NDUFAF6: variants seen among roughly 807,000 people sequenced by gnomAD.
NDUFAF6 encodes NADH:ubiquinone oxidoreductase complex assembly factor 6.
Under a neutral mutation model 40.8 loss-of-function variants are expected in NDUFAF6, and 45 were observed. The observed-to-expected ratio is 1.10, with a 90% CI of 0.87 to 1.42. The LOEUF is 1.42. NDUFAF6 is among the 40% of genes most tolerant of loss of function. NDUFAF6 has a pLI of 0.00. For synonymous variants in NDUFAF6, 185 were observed against 155.9 expected, an observed-to-expected ratio of 1.19 and a Z score of -1.39; for missense variants, 435 against 418.5, an observed-to-expected ratio of 1.04 and a Z score of -0.34.
At chr8:94,933,186 AG>A (rs1482735976) in intron 1 of NDUFAF6, among the ~76,000 whole-genome samples, 2 of 152,372 alleles carry the variant, frequency 1.3e-5, no homozygotes, top group Non-Finnish European at 2.9e-5. Flanking sequence ...GCTGCAATCC[AG>A]CCTGGGCAAC....
chr8:94,949,257 C>G (rs972984644), intron 2 of NDUFAF6: 3 of 150,894 alleles, frequency 2.0e-5, no homozygotes, highest in Non-Finnish European at 3.0e-5. Flanking sequence ...GCGGTGGGGC[C>G]GGGCTGCGCT....
intron 1 of NDUFAF6, among the ~76,000 whole-genome samples, chr8:94,918,470 T>C (rs150900697): frequency 6.6e-6 from 1 of 152,178 alleles, no homozygotes; most frequent in Non-Finnish European, 1.5e-5. Flanking sequence ...TACTAATCCA[T>C]TTTTCACCTT....
chr8:94,926,893 TTAAAG>T (rs1189201354), intron 1 of NDUFAF6: 3 of 152,324 alleles, frequency 2.0e-5, no homozygotes, highest in African/African-American at 7.2e-5. Context: ...ATTTTAAGCA[TTAAAG>T]TAAGTAGATA....
chr8:94,924,274 A>G (rs1819710909), intron 1 of NDUFAF6, among the ~76,000 whole-genome samples: 1 of 150,696 alleles, frequency 6.6e-6, no homozygotes, highest in Admixed American at 6.6e-5. Flanking sequence ...GTTAGCCAGG[A>G]TGGTCTCTAT....
intron 2 of NDUFAF6, among the ~76,000 whole-genome samples, chr8:94,983,759 C>T (rs1331840089): frequency 3.3e-5 from 5 of 152,140 alleles, no homozygotes; most frequent in South Asian, 4.1e-4. Context: ...GGATTCAAAC[C>T]GAGGTGGTGT....
At chr8:95,114,063 G>A (rs915068918) in intron 4 of NDUFAF6, among the ~76,000 whole-genome samples, 4 of 151,282 alleles carry the variant, frequency 2.6e-5, no homozygotes, top group African/African-American at 7.3e-5. Flanking sequence ...GCTAGATGAC[G>A]AGTTAGTGGG....
chr8:94,905,306 G>A (rs1336814199), intron 1 of NDUFAF6, among the ~76,000 whole-genome samples: 1 of 145,710 alleles, frequency 6.9e-6, no homozygotes, highest in Non-Finnish European at 1.5e-5. Context: ...TTTTTTTTCT[G>A]GGAGAACCTT....
intron 1 of NDUFAF6, among the ~76,000 whole-genome samples, chr8:94,963,827 G>A (rs1266601758): frequency 6.6e-6 from 1 of 152,228 alleles, no homozygotes; most frequent in African/African-American, 2.4e-5. Context: ...GGCAGTAGCT[G>A]GGGAAGACAG....
intron 2 of NDUFAF6, among the ~76,000 whole-genome samples, chr8:94,946,525 A>AC (rs950768323): frequency 2.0e-5 from 3 of 151,436 alleles, no homozygotes; most frequent in African/African-American, 7.3e-5. Context: ...ACAAAGCAAG[A>AC]CCCCATCTCT....
chr8:95,045,329 A>T (rs146237561), intron 4 of NDUFAF6, among the ~76,000 whole-genome samples: 306 of 152,262 alleles, frequency 2.0e-3, no homozygotes, highest in African/African-American at 6.8e-3. Flanking sequence ...TGATTTGTAT[A>T]TTGAGGTTAT....
At chr8:94,968,681 G>T (rs1243667990) in intron 1 of NDUFAF6, among the ~76,000 whole-genome samples, 1 of 152,200 alleles carries the variant, frequency 6.6e-6, no homozygotes, top group Admixed American at 6.5e-5. Context: ...CTGCACAGGG[G>T]TGTGATATCA....
At chr8:95,072,502 A>G (rs1490691256) in intron 9 of NDUFAF6, among the ~76,000 whole-genome samples, 1 of 152,208 alleles carries the variant, frequency 6.6e-6, no homozygotes, top group African/African-American at 2.4e-5. Flanking sequence ...TAGAGAAGAG[A>G]GAGAGAGTAG....
At chr8:95,105,906 G>T (rs1330546961), downstream of NDUFAF6, among the ~76,000 whole-genome samples, 1 of 152,144 alleles carries the variant, frequency 6.6e-6, no homozygotes, top group East Asian at 1.9e-4. Context: ...GAAGTGCGGG[G>T]ATTACAGGCA....
intron 2 of NDUFAF6, among the ~76,000 whole-genome samples, chr8:95,094,948 T>TGG (rs138201253): frequency 2.3e-4 from 35 of 149,206 alleles, no homozygotes; most frequent in African/African-American, 8.4e-4. Flanking sequence ...AGTTTGGGGG[T>TGG]GGCGGGGGGT....
chr8:94,914,727 G>A (rs1407680561), intron 1 of NDUFAF6, among the ~76,000 whole-genome samples: 2 of 151,930 alleles, frequency 1.3e-5, no homozygotes, highest in African/African-American at 4.8e-5. Context: ...GACCAGCCTG[G>A]ACAACATGGT....
At chr8:95,071,655 C>G (rs1012237629) in intron 9 of NDUFAF6, 2 of 152,336 alleles carry the variant, frequency 1.3e-5, no homozygotes, top group African/African-American at 4.8e-5. Context: ...AATACCCAGC[C>G]TGGCTCCATT....
intron 9 of NDUFAF6, chr8:95,068,456 A>C (rs1832754268): frequency 6.6e-6 from 1 of 151,944 alleles, no homozygotes; most frequent in South Asian, 2.1e-4. Context: ...GGAGCTGAAT[A>C]ATATTCACTA....
chr8:95,090,853 C>G (rs1018323356), intron 2 of NDUFAF6, among the ~76,000 whole-genome samples: 3 of 152,094 alleles, frequency 2.0e-5, no homozygotes, highest in Non-Finnish European at 4.4e-5. Flanking sequence ...CCTAGCATCC[C>G]AGCCCACATT....
chr8:95,044,922 A>G (rs1032679061), intron 4 of NDUFAF6, among the ~76,000 whole-genome samples: 7 of 152,082 alleles, frequency 4.6e-5, no homozygotes, highest in Non-Finnish European at 7.4e-5. Flanking sequence ...TTTCTTGCAT[A>G]TAGTGTATCT....
Sources: allele counts gnomAD v4.1 joint callset (sites outside exome capture counted in the v4.1 genomes callset), GRCh38; gene constraint gnomAD v4.1.1; transcripts MANE v1.5; gene names NCBI Gene and HGNC (gene_info 2026-07-23, HGNC 2026-07-21).